MAST4: variants seen among roughly 807,000 people sequenced by gnomAD.
MAST4 encodes the protein microtubule associated serine/threonine kinase family member 4.
MAST4 carries 89 observed loss-of-function variants against 162.7 expected under a neutral mutation model. The observed-to-expected ratio is 0.55, with a 90% CI of 0.46 to 0.65. The LOEUF is 0.65. Ranked by LOEUF, MAST4 falls within the 30% of genes least tolerant of loss-of-function variation. The probability of loss-of-function intolerance (pLI) is 0.00; values close to 1 mark genes in which losing one functional copy is unlikely to be tolerated. For synonymous variants in MAST4, 1,479 were observed against 1,361.1 expected (o/e 1.09, Z -1.91); for missense variants, 3,153 against 3,374.0 (o/e 0.93, Z 1.62).
At chr5:67,110,027 G>C (rs1312353488) in intron 10 of MAST4, 71 bp from the exon 11 acceptor site, 1 of 1,077,492 alleles carries the variant, frequency 9.3e-7, no homozygotes, top group Non-Finnish European at 1.4e-6. Context: ...TAATTAGCAT[G>C]CTTTGCTGAT....
chr5:67,125,455 A>C (rs1768109630), intron 14 of MAST4, among the ~76,000 whole-genome samples: 1 of 151,122 alleles, frequency 6.6e-6, no homozygotes, highest in Non-Finnish European at 1.5e-5. Context: ...CCCTGTGTCC[A>C]TGTGTTCTCA....
At chr5:66,838,965 A>G (rs1391044721) in intron 3 of MAST4, among the ~76,000 whole-genome samples, 1 of 152,178 alleles carries the variant, frequency 6.6e-6, no homozygotes, top group Non-Finnish European at 1.5e-5. Context: ...TCAACTATTA[A>G]TGAAGAATGC....
Position 66,759,870 on chromosome 5 carries a change from G to A in MAST4, c.517+8G>A, listed in dbSNP as rs766120611. The A allele has an allele frequency of 8.1e-6, 13 of 1,613,332 alleles. No individual in the cohort carries two copies. Among genetic ancestry groups the A allele is most frequent in the East Asian group, 6.7e-5 (3 of 44,882 alleles). Reference sequence around the variant, plus strand: ...TGGGAGGAGCCCTGACTGGTGAGTCGCAGCGGCTTGGATGAGAGAAGGAAT... The same window carrying A: ...TGGGAGGAGCCCTGACTGGTGAGTCACAGCGGCTTGGATGAGAGAAGGAAT... On this transcript the variant is annotated splice_region_variant and intron_variant, in intron 2 of 28. Transcript: ENST00000403625.
At chr5:66,807,166 A>G (rs562988023) in intron 3 of MAST4, among the ~76,000 whole-genome samples, 2 of 152,358 alleles carry the variant, frequency 1.3e-5, no homozygotes, top group East Asian at 3.9e-4. Context: ...TTTATCCTTC[A>G]TGTTAAAAAT....
chr5:67,031,729 T>A (rs1755351586), intron 4 of MAST4, among the ~76,000 whole-genome samples: 1 of 152,122 alleles, frequency 6.6e-6, no homozygotes, highest in Non-Finnish European at 1.5e-5. Flanking sequence ...CAATCTAAAT[T>A]GTTAGAGTTT....
At chr5:66,811,497 C>G (rs914720636) in intron 3 of MAST4, among the ~76,000 whole-genome samples, 2 of 152,172 alleles carry the variant, frequency 1.3e-5, no homozygotes, top group African/African-American at 2.4e-5. Context: ...TACCCAGCCC[C>G]CTTCTTTGCC....
At chr5:67,071,406 A>G (rs962771767) in intron 5 of MAST4, among the ~76,000 whole-genome samples, 2 of 152,190 alleles carry the variant, frequency 1.3e-5, no homozygotes, top group African/African-American at 4.8e-5. Context: ...CATATATTCA[A>G]GAACACACAA....
chr5:67,064,392 A>G (rs1352222867), intron 5 of MAST4, among the ~76,000 whole-genome samples: 1 of 152,124 alleles, frequency 6.6e-6, no homozygotes, highest in Non-Finnish European at 1.5e-5. Context: ...CTGAAAGAAT[A>G]AATAATTGTT....
At chr5:66,653,030 C>T (rs894118474) in intron 1 of MAST4, among the ~76,000 whole-genome samples, 1 of 152,168 alleles carries the variant, frequency 6.6e-6, no homozygotes, top group Admixed American at 6.5e-5. Context: ...CATAACTTTT[C>T]AAAAGGGCAG....
intron 4 of MAST4, among the ~76,000 whole-genome samples, chr5:67,039,086 T>C (rs902675108): frequency 6.6e-6 from 1 of 152,232 alleles, no homozygotes; most frequent in African/African-American, 2.4e-5. Context: ...ATTTTCAAGA[T>C]GGATTTAACT....
chr5:67,148,098 T>A (rs1458907674), intron 23 of MAST4, among the ~76,000 whole-genome samples: 1 of 152,206 alleles, frequency 6.6e-6, no homozygotes, highest in Non-Finnish European at 1.5e-5. Context: ...AGTCTAAGTC[T>A]AACTCTTTCC....
chr5:67,151,732 A>G (rs1771835559), intron 24 of MAST4, among the ~76,000 whole-genome samples: 1 of 151,116 alleles, frequency 6.6e-6, no homozygotes, highest in African/African-American at 2.4e-5. Flanking sequence ...TTTCCTGATT[A>G]AAAATTCTTT....
intron 4 of MAST4, among the ~76,000 whole-genome samples, chr5:66,928,350 T>G (rs1357447010): frequency 6.6e-6 from 1 of 152,160 alleles, no homozygotes; most frequent in Non-Finnish European, 1.5e-5. Context: ...GAAAGGACTG[T>G]GGAAAAACAC....
At chr5:66,731,474 A>G (rs1247663270) in intron 1 of MAST4, among the ~76,000 whole-genome samples, 1 of 148,608 alleles carries the variant, frequency 6.7e-6, no homozygotes, top group East Asian at 1.9e-4. Flanking sequence ...GTTAGGTTAT[A>G]TCTGCTTATT....
At chr5:66,819,947 T>G (rs1375782204) in intron 3 of MAST4, among the ~76,000 whole-genome samples, 6 of 139,142 alleles carry the variant, frequency 4.3e-5, no homozygotes, top group African/African-American at 7.9e-5. Context: ...CTAATTTTTG[T>G]GGGGTTTTTT....
At chr5:66,620,935 C>T (rs1245534121) in intron 1 of MAST4, among the ~76,000 whole-genome samples, 1 of 152,120 alleles carries the variant, frequency 6.6e-6, no homozygotes, top group Admixed American at 6.6e-5. Context: ...GCAACTGTCC[C>T]CCCTAATTCA....
chr5:66,832,599 A>G (rs1346124207), intron 3 of MAST4, among the ~76,000 whole-genome samples: 2 of 152,198 alleles, frequency 1.3e-5, no homozygotes, highest in Non-Finnish European at 2.9e-5. Flanking sequence ...CCTCTGTCTC[A>G]TGGTGCATGA....
intron 4 of MAST4, among the ~76,000 whole-genome samples, chr5:67,032,869 A>G (rs1755524279): frequency 6.6e-6 from 1 of 152,114 alleles, no homozygotes; most frequent in Non-Finnish European, 1.5e-5. Flanking sequence ...AGTAGCTCAG[A>G]CCTATTGCCA....
At chr5:66,771,286 A>C (rs1431721259) in intron 2 of MAST4, among the ~76,000 whole-genome samples, 1 of 151,626 alleles carries the variant, frequency 6.6e-6, no homozygotes, top group Non-Finnish European at 1.5e-5. Context: ...CCAGGTTCAC[A>C]CCATTCTCCT....
Sources: allele counts gnomAD v4.1 joint callset (sites outside exome capture counted in the v4.1 genomes callset), GRCh38; gene constraint gnomAD v4.1.1; transcripts MANE v1.5; gene names NCBI Gene and HGNC (gene_info 2026-07-23, HGNC 2026-07-21).